Variants in MMD2 observed in about 807,000 individuals in gnomAD.
MMD2 encodes the protein monocyte to macrophage differentiation factor 2.
A neutral mutation model predicts 33.5 loss-of-function variants in MMD2; 30 were observed. That is an observed-to-expected ratio of 0.90 (90% CI 0.67 to 1.22). The LOEUF (loss-of-function observed/expected upper bound fraction) is 1.22. Among genes scored for constraint, MMD2 ranks in the 50% most tolerant of loss-of-function variants. MMD2 has a pLI of 0.00. For missense variants in MMD2, 364 were observed against 325.4 expected (o/e 1.12, Z -0.91); for synonymous variants, 129 against 123.0 (o/e 1.05, Z -0.32).
chr7:4,892,645 T>C, the MMD2 span, among the ~76,000 whole-genome samples: 13 of 151,668 alleles, frequency 8.6e-5, 1 homozygote, highest in Non-Finnish European at 1.9e-4. Context: ...AATTAAAAGA[T>C]GTGCAAGCAG....
intron 1 of MMD2, among the ~76,000 whole-genome samples, chr7:4,945,195 T>TTCTTCTTCTTCTTCC (rs1346071707): frequency 7.4e-6 from 1 of 134,556 alleles, no homozygotes; most frequent in African/African-American, 2.8e-5. Flanking sequence ...TTTCTTCTTC[T>TTCTTCTTCTTCTTCC]TCTTCTTCTT....
chr7:4,947,895 T>TC (rs981494836), intron 1 of MMD2, among the ~76,000 whole-genome samples: 1 of 151,802 alleles, frequency 6.6e-6, no homozygotes, highest in African/African-American at 2.4e-5. Flanking sequence ...AGACAGGGTT[T>TC]CACCGTGTTA....
the MMD2 span, among the ~76,000 whole-genome samples, chr7:4,894,773 C>G: frequency 6.6e-6 from 1 of 152,126 alleles, no homozygotes; most frequent in African/African-American, 2.4e-5. The surrounding 1 kb of genome is among the most constrained non-coding windows in gnomAD (Gnocchi z 4.3). Context: ...TGTGAGGACC[C>G]TGCAGCAGCC....
intron 1 of MMD2, among the ~76,000 whole-genome samples, chr7:4,932,991 T>G (rs977488898): frequency 5.3e-5 from 8 of 152,042 alleles, no homozygotes; most frequent in African/African-American, 1.9e-4. Flanking sequence ...CTTTTTTTTT[T>G]TTTATGTTTA....
the MMD2 span, among the ~76,000 whole-genome samples, chr7:4,892,533 A>G: frequency 1.3e-5 from 2 of 151,534 alleles, no homozygotes; most frequent in East Asian, 3.9e-4. Context: ...GGATGCAGTG[A>G]GCCGAGATCG....
At position 4,906,240 on chromosome 7, in the gene MMD2, C is replaced by G; in HGVS notation, c.*1156G>C. The G allele has an allele frequency of 2.7e-6, 1 of 366,742 alleles. No individual in the cohort carries two copies. The highest frequency in any genetic ancestry group is 4.9e-6 in the Non-Finnish European group (1 of 205,964). The allele number at this position is 366,742 out of a possible 1,614,324, so 22.7% of individuals were successfully genotyped here. A position where few individuals can be genotyped will look rare whatever the true frequency, so the allele number is the denominator to read the frequency against. ...CTCACCTCCCCAGTAAATGTCCAGG[C>G]AGCATTGGACAGAGAGGCTGGCCCC... On this transcript the variant is annotated 3_prime_UTR_variant, in exon 7 of 7. Transcript: ENST00000401401.
chr7:4,945,491 C>A (rs1335584011), intron 1 of MMD2, among the ~76,000 whole-genome samples: 2 of 151,814 alleles, frequency 1.3e-5, no homozygotes, highest in Non-Finnish European at 2.9e-5. Flanking sequence ...TGTTATTGAA[C>A]TCCTGACCTC....
intron 1 of MMD2, among the ~76,000 whole-genome samples, chr7:4,957,363 C>A (rs1786413465): frequency 6.6e-6 from 1 of 150,788 alleles, no homozygotes; most frequent in Non-Finnish European, 1.5e-5. Context: ...AGAAAAAAAA[C>A]AAAGGCCGGG....
chr7:4,945,191 C>CTTCTTCTTCTT (rs1393497788), intron 1 of MMD2, among the ~76,000 whole-genome samples: 4 of 128,932 alleles, frequency 3.1e-5, no homozygotes, highest in Non-Finnish European at 6.5e-5. Context: ...CCTCTTTCTT[C>CTTCTTCTTCTT]TTCTTCTTCT....
intron 2 of MMD2, among the ~76,000 whole-genome samples, chr7:4,920,711 TCCC>T (rs1785260420): frequency 1.4e-5 from 1 of 69,714 alleles, no homozygotes; most frequent in Admixed American, 1.8e-4. Flanking sequence ...CCTCCCTCCC[TCCC>T]TCCCTTCCTC....
At chr7:4,942,435 AT>A (rs1562492408) in intron 1 of MMD2, among the ~76,000 whole-genome samples, 12 of 149,158 alleles carry the variant, frequency 8.0e-5, no homozygotes, top group African/African-American at 3.0e-4. Context: ...TAATTAAAAA[AT>A]TTTTTTAATT....
intron 6 of MMD2, chr7:4,909,653 C>A: frequency 1.4e-6 from 1 of 716,438 alleles, no homozygotes; most frequent in Non-Finnish European, 2.5e-6. Context: ...CCAGGCTGGT[C>A]TCAAATCCCT....
chr7:4,954,151 T>C (rs1218567402), intron 1 of MMD2, among the ~76,000 whole-genome samples: 1 of 152,192 alleles, frequency 6.6e-6, no homozygotes, highest in South Asian at 2.1e-4. Flanking sequence ...TCTTATGCAC[T>C]GGATATTAAA....
the MMD2 span, among the ~76,000 whole-genome samples, chr7:4,893,463 C>T: frequency 6.6e-6 from 1 of 151,782 alleles, no homozygotes; most frequent in Non-Finnish European, 1.5e-5. Flanking sequence ...GCAATCTTGT[C>T]TCACTGCAAC....
chr7:4,921,742 G>A lies in MMD2; in HGVS notation c.130-1411C>T, dbSNP rs115110208. ...CCCAGGTGAGTCCCAAAGGAAAGAG[G>A]TATCCCGCTAGCCTCCCCGACACCC... On this transcript the variant is annotated intron_variant, in intron 2 of 6. Transcript: ENST00000401401. 3.7e-3 allele frequency among the ~76,000 whole-genome samples: 567 copies of A among 152,136 alleles called. 6 individuals are homozygous for A. The highest frequency in any genetic ancestry group is 0.013 in the African/African-American group (545 of 41,534).
chr7:4,915,900 T>C, intron 4 of MMD2, 105 bp downstream of exon 4: 2 of 1,149,196 alleles, frequency 1.7e-6, no homozygotes, highest in South Asian at 2.7e-5. Flanking sequence ...TTAACCTAAC[T>C]CCTTTGTGCC....
intron 4 of MMD2, among the ~76,000 whole-genome samples, chr7:4,913,311 C>T (rs1785061233): frequency 6.6e-6 from 1 of 152,116 alleles, no homozygotes; most frequent in Non-Finnish European, 1.5e-5. Context: ...AACTTGACTT[C>T]AAAAGAAGAA....
intron 1 of MMD2, among the ~76,000 whole-genome samples, chr7:4,941,351 C>T (rs905383946): frequency 6.6e-6 from 1 of 152,200 alleles, no homozygotes; most frequent in Non-Finnish European, 1.5e-5. Flanking sequence ...CACTTCTGAC[C>T]GGGCGCGGTG....
intron 4 of MMD2, among the ~76,000 whole-genome samples, chr7:4,915,356 T>C (rs952646264): frequency 2.0e-5 from 3 of 151,956 alleles, no homozygotes; most frequent in Admixed American, 1.3e-4. Context: ...TGTATGTATA[T>C]GCATGTGTAT....
Sources: allele counts gnomAD v4.1 joint callset (sites outside exome capture counted in the v4.1 genomes callset), GRCh38; gene constraint gnomAD v4.1.1; non-coding constraint Gnocchi (gnomAD v3.1); transcripts MANE v1.5; gene names NCBI Gene and HGNC (gene_info 2026-07-23, HGNC 2026-07-21).